The following TMEM41B variants were observed in gnomAD, a reference collection of about 807,000 sequenced individuals.
TMEM41B encodes protein stasimon.
Under a neutral mutation model 31.9 loss-of-function variants are expected in TMEM41B, and 18 were observed. The observed-to-expected ratio is 0.56, with a 90% CI of 0.39 to 0.84. The LOEUF is 0.84. Ranked by LOEUF, TMEM41B falls within the 40% of genes least tolerant of loss-of-function variation. The pLI is 0.00. For synonymous variants in TMEM41B, 144 were observed against 124.3 expected, an observed-to-expected ratio of 1.16 and a Z score of -1.05; for missense variants, 322 against 348.0, an observed-to-expected ratio of 0.93 and a Z score of 0.59.
At chr11:9,284,252 T>G (rs1405460407) in intron 6 of TMEM41B, among the ~76,000 whole-genome samples, 1 of 151,664 alleles carries the variant, frequency 6.6e-6, no homozygotes, top group Middle Eastern at 3.2e-3. Flanking sequence ...CTCAGGTGAT[T>G]GTCCCACCTC....
rs1853636372 is a variant in TMEM41B, at chr11:9,314,307, C to T, written c.121+14G>A. 1 of 1,595,660 alleles carries T rather than the reference C, an allele frequency of 6.3e-7. No individual in the cohort carries two copies. The highest frequency in any genetic ancestry group is 1.1e-5 in the South Asian group (1 of 90,100). On this transcript the variant is annotated intron_variant, in intron 1 of 6. Coordinates refer to ENST00000528080, the MANE Select transcript of TMEM41B (RefSeq NM_015012.4). ...CTCGGGCCACCCCCAGCTCTGCTCC[C>T]CGGGCCCACTCACCCTTCTGGTGGT... is the stretch of plus-strand genomic sequence containing the variant.
rs1406423637 is a variant in TMEM41B, at chr11:9,303,090, C to T, written c.122-3389G>A. ...GGACTGCAGTGGCACGATCTCGGCT[C>T]ACTGCAACCTCCACCTCCCAGGTTC... On this transcript the variant is annotated intron_variant, in intron 1 of 6. Coordinates refer to ENST00000528080, the MANE Select transcript of TMEM41B (RefSeq NM_015012.4). 1.5e-5 allele frequency among the ~76,000 whole-genome samples: 2 copies of T among 136,462 alleles called. 1 individual carries two copies. The highest frequency in any genetic ancestry group is 3.2e-5 in the Non-Finnish European group (2 of 63,354). 89.5% of individuals were successfully genotyped at this position (136,462 alleles called of 152,430 possible). A position where few individuals can be genotyped will look rare whatever the true frequency, so the allele number is the denominator to read the frequency against.
chr11:9,306,568 C>T (rs928049303), intron 1 of TMEM41B, among the ~76,000 whole-genome samples: 2 of 152,044 alleles, frequency 1.3e-5, no homozygotes. Flanking sequence ...CGCCTGTAGT[C>T]CCAGCTACTC....
At chr11:9,297,170 C>G (rs533206882) in intron 2 of TMEM41B, among the ~76,000 whole-genome samples, 4 of 152,148 alleles carry the variant, frequency 2.6e-5, no homozygotes, top group Non-Finnish European at 4.4e-5. Flanking sequence ...CTGCAAGCTC[C>G]GCCTCCCAGG....
chr11:9,282,040 C>T lies in TMEM41B; in HGVS notation c.*1384G>A, dbSNP rs1158658244. The T allele has an allele frequency of 6.6e-6, 1 of 152,066 alleles. No homozygotes were observed. The highest frequency in any genetic ancestry group is 2.4e-5 in the African/African-American group (1 of 41,392). The allele number at this position is 152,066 out of a possible 1,614,324, so 9.4% of individuals were successfully genotyped here. Reference sequence around the variant, plus strand: ...CTTGAATGTTTGCTTTTTAGAGCCCCTTGTGGGATATTAAAGAGCCATAAC... The same window carrying T: ...CTTGAATGTTTGCTTTTTAGAGCCCTTTGTGGGATATTAAAGAGCCATAAC... On this transcript the variant is annotated 3_prime_UTR_variant, in exon 7 of 7. Coordinates refer to ENST00000528080, the MANE Select transcript of TMEM41B (RefSeq NM_015012.4).
chr11:9,309,527 T>TTTTTTTTTTTTTTTGAGACGGAG (rs1343357121), intron 1 of TMEM41B, among the ~76,000 whole-genome samples: 1 of 150,768 alleles, frequency 6.6e-6, no homozygotes, highest in Non-Finnish European at 1.5e-5. Flanking sequence ...GCTTCCTTCT[T>TTTTTTTTTTTTTTTGAGACGGAG]TCTGTAAGCC....
intron 2 of TMEM41B, among the ~76,000 whole-genome samples, chr11:9,299,174 G>C (rs1256181000): frequency 6.6e-6 from 1 of 150,830 alleles, no homozygotes; most frequent in African/African-American, 2.4e-5. Context: ...CCAGCTACTC[G>C]AGAGGCTGAG....
chr11:9,301,386 A>G (rs1853254593), intron 1 of TMEM41B, among the ~76,000 whole-genome samples: 1 of 152,164 alleles, frequency 6.6e-6, no homozygotes, highest in South Asian at 2.1e-4. Flanking sequence ...AATGTATACT[A>G]TAATTCAGAT....
chr11:9,291,505 G>A (rs1023362933), intron 3 of TMEM41B, among the ~76,000 whole-genome samples: 7 of 150,546 alleles, frequency 4.6e-5, no homozygotes, highest in Admixed American at 2.0e-4. Flanking sequence ...AGGTTCAAGC[G>A]ATTCTCCTGC....
At chr11:9,292,231 A>C (rs1590375885) in intron 3 of TMEM41B, among the ~76,000 whole-genome samples, 1 of 152,216 alleles carries the variant, frequency 6.6e-6, no homozygotes, top group African/African-American at 2.4e-5. Flanking sequence ...TGCCTATTGG[A>C]TACTTAGGGT....
chr11:9,311,434 G>A, intron 1 of TMEM41B: 1 of 1,393,100 alleles, frequency 7.2e-7, no homozygotes, highest in Non-Finnish European at 1.0e-6. Flanking sequence ...GGCATTCCAG[G>A]AGCAGACGGT....
chr11:9,307,742 A>C (rs1244690373), intron 1 of TMEM41B, among the ~76,000 whole-genome samples: 1 of 149,242 alleles, frequency 6.7e-6, no homozygotes, highest in Admixed American at 6.7e-5. Flanking sequence ...GTGCCCAGCC[A>C]ATAAAATCAT....
rs1043320030 is a variant in TMEM41B at position 9,286,525 on chromosome 11, A to G, written c.636T>C (p.Asn212=). The change falls in exon 6 of 7, where the codon AAT becomes AAC. Residue 212 remains asparagine (N), a synonymous_variant. Transcript: ENST00000528080. ...CAGGAGATGTGATATTAATAAACCA[A>G]TTAGGCAGAAATGGTGTTATTCTCA... The part of the protein sequence containing the change: ...IFLRITPFLP[N]WFINITSPVI... 1.2e-6 allele frequency: 2 copies of G among 1,613,088 alleles called. No individual in the cohort carries two copies. The highest frequency in any genetic ancestry group is 8.5e-7 in the Non-Finnish European group (1 of 1,179,532).
chr11:9,305,307 T>C (rs1401892982), intron 1 of TMEM41B, among the ~76,000 whole-genome samples: 16 of 152,134 alleles, frequency 1.1e-4, no homozygotes, highest in Admixed American at 1.0e-3. Flanking sequence ...TATGATAATT[T>C]ATAATTATAG....
In TMEM41B at chr11:9,282,358, G is replaced by A. The variant is rs1407845690; in HGVS notation, c.*1066C>T. On this transcript the variant is annotated 3_prime_UTR_variant, in exon 7 of 7. Transcript: ENST00000528080. ...ACACCACGCACTCCACTCCAGCCTG[G>A]GCAACAGCAAGACTCCGTCTCAAAA... The A allele has an allele frequency of 6.6e-6, 1 of 151,240 alleles. No individual in the cohort carries two copies. Among genetic ancestry groups the A allele is most frequent in the Non-Finnish European group, 1.5e-5 (1 of 67,938 alleles). The allele number at this position is 151,240 out of a possible 1,614,324, so 9.4% of individuals were successfully genotyped here. A position where few individuals can be genotyped will look rare whatever the true frequency, so the allele number is the denominator to read the frequency against.
intron 6 of TMEM41B, 60 bp downstream of exon 6, chr11:9,286,395 C>A: frequency 2.0e-6 from 3 of 1,511,566 alleles, no homozygotes; most frequent in Non-Finnish European, 2.7e-6. Flanking sequence ...TCTAGCCCAG[C>A]TGGACACTGT....
At chr11:9,311,498 T>A (rs1287345011) in intron 1 of TMEM41B, 1 of 1,404,228 alleles carries the variant, frequency 7.1e-7, no homozygotes, top group Non-Finnish European at 9.9e-7. Context: ...ACCCTGGCTG[T>A]GGCACAGGAT....
chr11:9,286,801 A>G (rs577470673), intron 5 of TMEM41B, among the ~76,000 whole-genome samples: 12 of 152,054 alleles, frequency 7.9e-5, no homozygotes, highest in Non-Finnish European at 1.2e-4. Context: ...GGAGTTCGAG[A>G]ACAGCCTGGC....
chr11:9,311,398 T>C (rs1853557250), intron 1 of TMEM41B: 4 of 1,419,646 alleles, frequency 2.8e-6, no homozygotes, highest in East Asian at 2.3e-5. Context: ...GGTCCAACCA[T>C]GCCAGGAGCC....
Sources: allele counts gnomAD v4.1 joint callset (sites outside exome capture counted in the v4.1 genomes callset), GRCh38; gene constraint gnomAD v4.1.1; transcripts MANE v1.5; gene names NCBI Gene and HGNC (gene_info 2026-07-23, HGNC 2026-07-21).